MEI4: variants seen among roughly 807,000 people sequenced by gnomAD.
MEI4 encodes the protein meiosis-specific protein MEI4.
A neutral mutation model predicts 31.4 loss-of-function variants in MEI4; 27 were observed. The observed-to-expected ratio is 0.86, with a 90% CI of 0.63 to 1.19. The LOEUF is 1.19. Ranked by LOEUF, MEI4 falls within the 50% of genes most tolerant of loss-of-function variation. The probability of loss-of-function intolerance (pLI) is 0.00; values close to 1 mark genes in which losing one functional copy is unlikely to be tolerated. For missense variants in MEI4, 329 were observed against 398.9 expected, an observed-to-expected ratio of 0.82 and a Z score of 1.49; for synonymous variants, 122 against 145.4, an observed-to-expected ratio of 0.84 and a Z score of 1.16.
At chr6:77,789,788 C>T (rs1188506079) in intron 3 of MEI4, among the ~76,000 whole-genome samples, 4 of 152,140 alleles carry the variant, frequency 2.6e-5, no homozygotes, top group African/African-American at 9.7e-5. Context: ...GAAATAGGAA[C>T]ACTTTTACAC....
At position 77,700,436 on chromosome 6, in the gene MEI4, C is replaced by G. The variant is rs891191081; in HGVS notation, c.232+9533C>G. ...CTCCTGGTGTGCCGTTTTTTAAGCCCGTTGGAAAAGCGCAGTATTTGGATG... is the reference window on the plus strand; with the variant it reads ...CTCCTGGTGTGCCGTTTTTTAAGCCGGTTGGAAAAGCGCAGTATTTGGATG... On this transcript the variant is annotated intron_variant, in intron 2 of 4. Transcript: ENST00000684080. 2.6e-5 allele frequency among the ~76,000 whole-genome samples: 4 copies of G among 152,172 alleles called. No homozygotes were observed. In the East Asian group the frequency reaches 5.8e-4, roughly 22 times the overall value.
intron 4 of MEI4, among the ~76,000 whole-genome samples, chr6:77,921,139 T>A (rs1166072824): frequency 6.6e-6 from 1 of 151,886 alleles, no homozygotes; most frequent in Admixed American, 6.6e-5. Context: ...TTCATCCACA[T>A]TGAACAACTG....
At chr6:77,740,684 T>C (rs1767376541) in intron 2 of MEI4, among the ~76,000 whole-genome samples, 1 of 152,152 alleles carries the variant, frequency 6.6e-6, no homozygotes, top group Admixed American at 6.6e-5. Flanking sequence ...TAGATGGTAC[T>C]AACAAATTGT....
rs184665879 is a variant in MEI4 at position 77,660,463 on chromosome 6, C to T, written c.-15+7371C>T. On this transcript the variant is annotated intron_variant, in intron 1 of 4. Transcript: ENST00000684080. Reference sequence around the variant, plus strand: ...GGCTTGAAGAAACAGTGTAAACCGGCGGTGTAAACAAGAGTAGGGCATTTG... The same window carrying T: ...GGCTTGAAGAAACAGTGTAAACCGGTGGTGTAAACAAGAGTAGGGCATTTG... 2.1e-3 allele frequency among the ~76,000 whole-genome samples: 316 copies of T among 151,300 alleles called. 2 individuals carry two copies. The highest frequency in any genetic ancestry group is 6.6e-3 in the African/African-American group (273 of 41,152).
intron 2 of MEI4, among the ~76,000 whole-genome samples, chr6:77,699,475 A>G (rs1361095167): frequency 8.6e-5 from 13 of 152,044 alleles, no homozygotes; most frequent in Non-Finnish European, 2.9e-5. Flanking sequence ...TACAGGCGTG[A>G]GCCACCGCGC....
intron 3 of MEI4, among the ~76,000 whole-genome samples, chr6:77,777,768 G>A (rs796694318): frequency 5.9e-5 from 9 of 152,186 alleles, no homozygotes; most frequent in African/African-American, 2.2e-4. Context: ...GAACCAAAGA[G>A]CAGGCAGAAA....
intron 4 of MEI4, among the ~76,000 whole-genome samples, chr6:77,921,534 ACT>A (rs1204772728): frequency 6.6e-6 from 1 of 151,146 alleles, no homozygotes; most frequent in Non-Finnish European, 1.5e-5. Flanking sequence ...TCCTTCAAGA[ACT>A]CTTTCTTTGA....
chr6:77,679,549 A>G (rs986198370), intron 1 of MEI4, among the ~76,000 whole-genome samples: 4 of 152,152 alleles, frequency 2.6e-5, no homozygotes, highest in East Asian at 1.9e-4. Flanking sequence ...CTTGGAAGGT[A>G]TCCTCATTAT....
intron 4 of MEI4, among the ~76,000 whole-genome samples, chr6:77,882,677 T>A (rs1432981063): frequency 6.6e-6 from 1 of 152,302 alleles, no homozygotes; most frequent in South Asian, 2.1e-4. Context: ...CTTTGTGTAG[T>A]CTACCAGGAA....
intron 4 of MEI4, among the ~76,000 whole-genome samples, chr6:77,830,951 C>T (rs777951770): frequency 6.6e-6 from 1 of 151,652 alleles, no homozygotes; most frequent in Non-Finnish European, 1.5e-5. Flanking sequence ...AAACAATTAG[C>T]CAAGTGAAGA....
At position 77,829,159 on chromosome 6, in the gene MEI4, T is replaced by C. The variant is rs1016966663; in HGVS notation, c.900+97T>C. On this transcript the variant is annotated intron_variant, in intron 4 of 4. Transcript: ENST00000684080. ...CTTTCTTCTCTTCTTTCCAGGCTGA[T>C]GTTTTAGTTATTACCTTATGTCTAA... The C allele has an allele frequency of 2.6e-5, 24 of 917,708 alleles. No homozygotes were observed. In the Admixed American group the frequency reaches 4.3e-4, roughly 16 times the overall value. 56.8% of individuals were successfully genotyped at this position (917,708 alleles called of 1,614,324 possible).
chr6:77,793,197 C>T (rs988927230), intron 3 of MEI4, among the ~76,000 whole-genome samples: 9 of 151,894 alleles, frequency 5.9e-5, no homozygotes, highest in African/African-American at 1.7e-4. Context: ...TAAGGTTATC[C>T]GTAGATTTCT....
At chr6:77,670,600 C>G (rs1257125520) in intron 1 of MEI4, among the ~76,000 whole-genome samples, 1 of 152,086 alleles carries the variant, frequency 6.6e-6, no homozygotes, top group African/African-American at 2.4e-5. Flanking sequence ...TATCACAGCC[C>G]CTGACTCAGG....
chr6:77,663,731 G>C (rs944212889), intron 1 of MEI4, among the ~76,000 whole-genome samples: 2 of 152,190 alleles, frequency 1.3e-5, no homozygotes, highest in African/African-American at 4.8e-5. Flanking sequence ...AGAAGGGGAC[G>C]GGCTTACCTT....
chr6:77,742,659 C>T (rs1392462430), intron 2 of MEI4, among the ~76,000 whole-genome samples: 1 of 152,118 alleles, frequency 6.6e-6, no homozygotes, highest in Non-Finnish European at 1.5e-5. Context: ...CTTTTGTTGC[C>T]ATTGCTTTTG....
At position 77,773,336 on chromosome 6, in the gene MEI4, A is replaced by G. The variant is rs146701633; in HGVS notation, c.768+11671A>G. ...GTGTTGTACTGACATAGAAACAGAC[A>G]TACAAATCAATGGAACAAAATAGAG... On this transcript the variant is annotated intron_variant, in intron 3 of 4. Transcript: ENST00000684080. Among the ~76,000 whole-genome samples, 213 of 152,158 alleles carry G rather than the reference A, an allele frequency of 1.4e-3. 1 individual carries two copies. The highest frequency in any genetic ancestry group is 4.5e-3 in the African/African-American group (187 of 41,558).
chr6:77,762,242 T>C (rs1768062232), intron 3 of MEI4, among the ~76,000 whole-genome samples: 1 of 152,186 alleles, frequency 6.6e-6, no homozygotes, highest in South Asian at 2.1e-4. Context: ...GCACATAATA[T>C]AAAGCTTTAT....
rs967474226 is a variant in MEI4, at chr6:77,726,451, G to T, written c.233-34679G>T. The stretch of plus-strand genomic sequence containing the variant: ...ATGGAAAGAAAACTGCGGGCATGTG[G>T]TTAGGGATTTTCAGAGAAGAGACAG... On this transcript the variant is annotated intron_variant, in intron 2 of 4. Coordinates refer to ENST00000684080, the MANE Select transcript of MEI4 (RefSeq NM_001322247.2). 1.8e-4 allele frequency among the ~76,000 whole-genome samples: 27 copies of T among 152,306 alleles called. No homozygotes were observed. In the East Asian group the frequency reaches 5.0e-3, roughly 28 times the overall value.
chr6:77,689,706 A>G (rs983206907), intron 1 of MEI4, among the ~76,000 whole-genome samples: 1 of 152,062 alleles, frequency 6.6e-6, no homozygotes, highest in African/African-American at 2.4e-5. Context: ...ATGGAAGGAT[A>G]GGCTGGGGAA....
Sources: gnomAD v4.1 joint callset for allele counts (sites outside exome capture counted in the v4.1 genomes callset) on GRCh38, gnomAD v4.1.1 for gene constraint, MANE v1.5 for transcripts, NCBI Gene and HGNC (gene_info 2026-07-23, HGNC 2026-07-21) for gene names.